Variants in MYO10 observed in about 807,000 individuals in gnomAD.
MYO10 encodes myosin X, also known as unconventional myosin-X.
Under a neutral mutation model 257.3 loss-of-function variants are expected in MYO10, and 133 were observed. That is an observed-to-expected ratio of 0.52 (90% CI 0.45 to 0.60). The LOEUF (loss-of-function observed/expected upper bound fraction) is 0.60. Ranked by LOEUF, MYO10 falls within the 20% of genes least tolerant of loss-of-function variation. The probability of loss-of-function intolerance (pLI) is 0.00; values close to 1 mark genes in which losing one functional copy is unlikely to be tolerated. For synonymous variants in MYO10, 1,104 were observed against 1,028.6 expected, an observed-to-expected ratio of 1.07 and a Z score of -1.40; for missense variants, 2,399 against 2,635.7, an observed-to-expected ratio of 0.91 and a Z score of 1.97.
chr5:16,920,909 G>A (rs1644958021), intron 1 of MYO10, among the ~76,000 whole-genome samples: 1 of 152,048 alleles, frequency 6.6e-6, no homozygotes, highest in Admixed American at 6.6e-5. Context: ...CTTGAAGTCA[G>A]GAGTTCCAGA....
rs1447396902 is a variant in MYO10, at chr5:16,680,119, G to T, written c.4385-15C>A. 1 of 1,603,756 alleles carries T rather than the reference G, an allele frequency of 6.2e-7. No individual in the cohort carries two copies. The highest frequency in any genetic ancestry group is 8.5e-7 in the Non-Finnish European group (1 of 1,172,148). On this transcript the variant is annotated splice_polypyrimidine_tract_variant and intron_variant, in intron 32 of 40. Transcript: ENST00000513610. ...GTTCCAGTAGCCTGCAATGGCAGGG[G>T]TGCCCAGCACACGCACGTCAACGCC...
intron 2 of MYO10, among the ~76,000 whole-genome samples, chr5:16,861,244 C>T (rs1280687257): frequency 2.0e-5 from 3 of 149,720 alleles, no homozygotes; most frequent in Non-Finnish European, 1.5e-5. Context: ...CCTTCCATTT[C>T]CCTACAGCAA....
At chr5:16,819,550 C>G (rs1424572116) in intron 2 of MYO10, among the ~76,000 whole-genome samples, 1 of 151,506 alleles carries the variant, frequency 6.6e-6, no homozygotes, top group Admixed American at 6.6e-5. Flanking sequence ...ATAAAAACAT[C>G]AAGAGATTTA....
chr5:16,768,236 A>G (rs187277127), intron 10 of MYO10, among the ~76,000 whole-genome samples: 1 of 152,246 alleles, frequency 6.6e-6, no homozygotes, highest in Admixed American at 6.5e-5. Context: ...CTCAAGCAAA[A>G]TGACAACTGA....
At chr5:16,731,769 AG>A (rs1202198812) in intron 19 of MYO10, among the ~76,000 whole-genome samples, 17 of 152,214 alleles carry the variant, frequency 1.1e-4, no homozygotes, top group Non-Finnish European at 1.5e-5. Flanking sequence ...AAGCCCCAGG[AG>A]GTGACGGAGG....
At chr5:16,822,837 G>A (rs1476072412) in intron 2 of MYO10, among the ~76,000 whole-genome samples, 8 of 151,982 alleles carry the variant, frequency 5.3e-5, no homozygotes, top group African/African-American at 9.6e-5. Flanking sequence ...ACAGGCGCCC[G>A]CAACCACGCC....
At chr5:16,821,443 C>CTTTTTTTTTT (rs571931909) in intron 2 of MYO10, among the ~76,000 whole-genome samples, 11 of 70,262 alleles carry the variant, frequency 1.6e-4, no homozygotes, top group East Asian at 9.7e-4. Context: ...CTCCTATTTT[C>CTTTTTTTTTT]TTTTTTTTTT....
At chr5:16,774,672 C>T (rs1323760833) in intron 9 of MYO10, among the ~76,000 whole-genome samples, 9 of 152,096 alleles carry the variant, frequency 5.9e-5, no homozygotes, top group Admixed American at 1.3e-4. Flanking sequence ...CTGCCTGCCT[C>T]GGCCTCCCAA....
At chr5:16,898,007 G>A (rs1288415279) in intron 1 of MYO10, among the ~76,000 whole-genome samples, 3 of 152,234 alleles carry the variant, frequency 2.0e-5, no homozygotes, top group Admixed American at 6.5e-5. Flanking sequence ...GCAGGCCTGC[G>A]TGCCCTCTTG....
Position 16,763,532 on chromosome 5 carries a change from C to A in MYO10, c.1443G>T (p.Trp481Cys). Residue 481 changes from tryptophan (W) to cysteine (C), a missense_variant, in exon 14 of 41, where the codon TGG (tryptophan) becomes TGT (cysteine). This residue lies in a region of MYO10 where 337 missense variants were observed against 446.8 expected (regional missense o/e 0.75). Transcript: ENST00000513610. ...QLEYSREGLV[W>C]EDIDWIDNGE... ...CATTGTCTATCCAGTCAATATCTTC[C>A]CACACTAATCCTTCCCTGTAGAAAG... The A allele has an allele frequency of 6.2e-7, 1 of 1,611,318 alleles. No homozygotes were observed. The highest frequency in any genetic ancestry group is 8.5e-7 in the Non-Finnish European group (1 of 1,177,636).
intron 4 of MYO10, among the ~76,000 whole-genome samples, chr5:16,789,266 TA>T (rs535118971): frequency 9.2e-4 from 140 of 152,366 alleles, no homozygotes; most frequent in African/African-American, 3.2e-3. Flanking sequence ...CCACAAAGCC[TA>T]AAATATACAC....
rs1202662269 is a variant in MYO10 at position 16,923,293 on chromosome 5, C to CT, written c.21+12494dup. Among the ~76,000 whole-genome samples the CT allele has an allele frequency of 2.3e-3, 319 of 141,034 alleles. 1 individual carries two copies. The highest frequency in any genetic ancestry group is 4.1e-3 in the Middle Eastern group (1 of 246). 92.5% of individuals were successfully genotyped at this position (141,034 alleles called of 152,430 possible). ...TATTTTCACCTGGCACTAAACTCTT[C>CT]TTTTTTTTTTTTGAGGCGGAATCTC... On this transcript the variant is annotated intron_variant, in intron 1 of 40. Coordinates refer to ENST00000513610, the MANE Select transcript of MYO10 (RefSeq NM_012334.3).
chr5:16,713,479 C>T (rs1487595295), intron 19 of MYO10: 5 of 985,758 alleles, frequency 5.1e-6, no homozygotes, highest in South Asian at 4.7e-5. Context: ...AAAAAGTGCC[C>T]GGTCGCCATG....
At chr5:16,720,817 C>T (rs1282894920) in intron 19 of MYO10, among the ~76,000 whole-genome samples, 3 of 152,204 alleles carry the variant, frequency 2.0e-5, no homozygotes, top group African/African-American at 4.8e-5. Flanking sequence ...TTAAACTTTA[C>T]ATTCATATTG....
intron 2 of MYO10, among the ~76,000 whole-genome samples, chr5:16,848,305 T>A (rs115816219): frequency 0.025 from 3,788 of 151,988 alleles, 62 homozygotes; most frequent in South Asian, 0.036. Flanking sequence ...ATTACAGACA[T>A]GCGCCACTAC....
At chr5:16,697,495 T>C (rs537346004) in intron 26 of MYO10, among the ~76,000 whole-genome samples, 3 of 151,210 alleles carry the variant, frequency 2.0e-5, no homozygotes, top group African/African-American at 4.9e-5. Flanking sequence ...AGGTTAGGAG[T>C]TCGAGACCAG....
At chr5:16,913,094 T>C (rs1387893803) in intron 1 of MYO10, among the ~76,000 whole-genome samples, 4 of 151,872 alleles carry the variant, frequency 2.6e-5, no homozygotes, top group Admixed American at 2.6e-4. Context: ...GTGACTGACA[T>C]CAAACACAAA....
chr5:16,868,707 G>A (rs1169647206), intron 2 of MYO10, among the ~76,000 whole-genome samples: 1 of 152,178 alleles, frequency 6.6e-6, no homozygotes, highest in Admixed American at 6.5e-5. Flanking sequence ...ACCCGCCTGT[G>A]TGCTGGGGCC....
At chr5:16,928,175 C>G (rs1409178989) in intron 1 of MYO10, among the ~76,000 whole-genome samples, 2 of 152,142 alleles carry the variant, frequency 1.3e-5, no homozygotes, top group African/African-American at 4.8e-5. Flanking sequence ...ATCTTGTTTT[C>G]TAAGTGCTTT....
Sources: gnomAD v4.1 joint callset for allele counts (sites outside exome capture counted in the v4.1 genomes callset) on GRCh38, gnomAD v4.1.1 for gene constraint, gnomAD v4.1.1 regional missense constraint, MANE v1.5 for transcripts, NCBI Gene and HGNC (gene_info 2026-07-23, HGNC 2026-07-21) for gene names.